The following FRY variants were observed in gnomAD, a reference collection of about 807,000 sequenced individuals.
FRY encodes the protein FRY microtubule binding protein.
A neutral mutation model predicts 348.4 loss-of-function variants in FRY; 128 were observed. The ratio of observed to expected loss-of-function variants is 0.37; its 90% CI spans 0.32 to 0.43. The LOEUF (loss-of-function observed/expected upper bound fraction) is 0.43. FRY is among the 20% of genes least tolerant of loss of function. FRY has a pLI of 1.00. For synonymous variants in FRY, 1,370 were observed against 1,374.7 expected (o/e 1.00, Z 0.08); for missense variants, 2,736 against 3,695.2 (o/e 0.74, Z 6.73).
At chr13:32,085,234 G>A (rs446909) in intron 2 of FRY, among the ~76,000 whole-genome samples, 103,462 of 151,938 alleles carry the variant, frequency 0.68, 35,409 homozygotes, top group Non-Finnish European at 0.69. Flanking sequence ...CTCCAGCAAC[G>A]GGTGACTCTT....
At chr13:32,209,373 TAA>T (rs1437686888) in intron 32 of FRY, among the ~76,000 whole-genome samples, 1 of 152,188 alleles carries the variant, frequency 6.6e-6, no homozygotes, top group Non-Finnish European at 1.5e-5. Context: ...GCCTAATATT[TAA>T]AAAACTCACA....
At chr13:32,268,686 G>GT (rs1349431644) in intron 55 of FRY, among the ~76,000 whole-genome samples, 1 of 150,280 alleles carries the variant, frequency 6.7e-6, no homozygotes, top group Non-Finnish European at 1.5e-5. Context: ...TTTTTTGGGG[G>GT]GGTGGGGAGA....
At chr13:32,291,049 A>G (rs1025361955) in intron 59 of FRY, among the ~76,000 whole-genome samples, 1 of 152,048 alleles carries the variant, frequency 6.6e-6, no homozygotes, top group African/African-American at 2.4e-5. Flanking sequence ...ACGTGAGGTC[A>G]GGGGAGAGAT....
In FRY at chr13:32,237,724, G is replaced by A. The variant is rs373484713; in HGVS notation, c.6156G>A (p.Met2052Ile). ...TATTCTGGGTCACAGTGGCCTTGAT[G>A]GAGTCTGATTTTGAGTTTGAATACT... Reference protein sequence around the residue: ...ATIFWVTVALMESDFEFEYLM... With the variant: ...ATIFWVTVALIESDFEFEYLM... The change falls in exon 44 of 61, where the codon ATG becomes ATA. Residue 2052 changes from methionine to isoleucine, a missense_variant. Met to Ile is a conservative substitution (Grantham distance 10, BLOSUM62 1). Around this residue, in one of 9 missense-constraint regions of FRY, gnomAD observed 789 missense variants for 996.2 expected, o/e 0.79. Coordinates refer to ENST00000542859, the MANE Select transcript of FRY (RefSeq NM_023037.3). The surrounding 1 kb of genome is among the most constrained non-coding windows in gnomAD (Gnocchi z 6.3). The A allele has an allele frequency of 1.2e-6, 2 of 1,614,168 alleles. No homozygotes were observed. The highest frequency in any genetic ancestry group is 1.7e-5 in the Admixed American group (1 of 60,020).
intron 1 of FRY, among the ~76,000 whole-genome samples, chr13:32,073,222 T>C (rs1054760651): frequency 6.6e-6 from 1 of 152,216 alleles, no homozygotes. Context: ...AGTGTGATCA[T>C]TGGGCATTTT....
chr13:32,080,293 C>G (rs887202910), intron 2 of FRY, among the ~76,000 whole-genome samples: 3 of 152,176 alleles, frequency 2.0e-5, no homozygotes, highest in African/African-American at 7.2e-5. Context: ...CCTCTTACTA[C>G]TAATAATAGC....
chr13:32,184,478 T>G (rs1229724167), intron 24 of FRY, 122 bp from the exon 25 acceptor site: 3 of 699,772 alleles, frequency 4.3e-6, no homozygotes, highest in Non-Finnish European at 7.7e-6. Flanking sequence ...AAATGTATGC[T>G]GACTTTTATG....
chr13:32,159,150 A>T (rs1881300139), intron 16 of FRY, among the ~76,000 whole-genome samples: 1 of 152,000 alleles, frequency 6.6e-6, no homozygotes, highest in Admixed American at 6.6e-5. Context: ...TTCCTATTCA[A>T]ACATCTTAAG....
At chr13:32,256,307 C>T (rs1458636022) in intron 51 of FRY, among the ~76,000 whole-genome samples, 2 of 152,000 alleles carry the variant, frequency 1.3e-5, no homozygotes, top group African/African-American at 4.8e-5. Context: ...GCTGAGGCAT[C>T]CTAGAGGATC....
intron 35 of FRY, 76 bp downstream of exon 35, chr13:32,212,458 G>A (rs998919495): frequency 4.4e-6 from 4 of 909,698 alleles, no homozygotes; most frequent in Admixed American, 2.1e-5. Context: ...ATACAGGTTT[G>A]TGGAGTTTCA....
chr13:32,196,265 A>G (rs1883671818), intron 29 of FRY, among the ~76,000 whole-genome samples: 1 of 152,214 alleles, frequency 6.6e-6, no homozygotes, highest in African/African-American at 2.4e-5. Context: ...CTTGTAAGAT[A>G]AATAATGATC....
At chr13:32,148,170 CAG>C (rs1306954034) in intron 13 of FRY, among the ~76,000 whole-genome samples, 1 of 152,184 alleles carries the variant, frequency 6.6e-6, no homozygotes, top group Non-Finnish European at 1.5e-5. Context: ...AATGAAGAAA[CAG>C]AGACAGAGTT....
intron 51 of FRY, among the ~76,000 whole-genome samples, chr13:32,258,375 A>T (rs1183479727): frequency 6.6e-6 from 1 of 152,176 alleles, no homozygotes; most frequent in Non-Finnish European, 1.5e-5. Flanking sequence ...GCATTTTGGG[A>T]GGCTGAGGTG....
intron 58 of FRY, among the ~76,000 whole-genome samples, chr13:32,281,951 C>T (rs1389388456): frequency 6.6e-6 from 1 of 152,178 alleles, no homozygotes; most frequent in Non-Finnish European, 1.5e-5. Context: ...TGGCTAGGCA[C>T]CATGCAGAGT....
rs947120776 is a variant in FRY, at chr13:32,291,492, G to A, written c.8580+1749G>A. 1.6e-4 allele frequency among the ~76,000 whole-genome samples: 24 copies of A among 149,264 alleles called. No homozygotes were observed. The East Asian group carries it at 2.8e-3, about 17-fold the overall frequency. The stretch of plus-strand genomic sequence containing the variant: ...ACAATCTCAGCTTACCGCAACCTCC[G>A]CCTCCCAGGTTCAAGCGATTCTCCT... On this transcript the variant is annotated intron_variant, in intron 59 of 60. Transcript: ENST00000542859.
chr13:32,254,376 G>A lies in FRY; in HGVS notation c.7398G>A (p.Val2466=). ...TCAGAGACTTCGACTTCCTAGATGT[G>A]GAGCTGGAGGATGGAGAGGTACGGT... ...RVFRDFDFLD[V]ELEDGEGESM... Residue 2466 remains valine, a synonymous_variant, in exon 51 of 61, where the codon GTG becomes GTA. Coordinates refer to ENST00000542859, the MANE Select transcript of FRY (RefSeq NM_023037.3). 1.2e-6 allele frequency: 2 copies of A among 1,614,026 alleles called. No individual in the cohort carries two copies.
chr13:32,237,484 T>G lies in FRY; in HGVS notation c.5916T>G (p.Thr1972=), dbSNP rs756705629. 2.5e-6 allele frequency: 4 copies of G among 1,614,112 alleles called. No homozygotes were observed. The South Asian group carries it at 4.4e-5, about 18-fold the overall frequency. Residue 1972 remains threonine, a synonymous_variant, in exon 44 of 61, where the codon ACT becomes ACG. Coordinates refer to ENST00000542859, the MANE Select transcript of FRY (RefSeq NM_023037.3). The surrounding 1 kb of genome is among the most constrained non-coding windows in gnomAD (Gnocchi z 6.3). ...NPGTTSGNTA[T]AERSRHQRSF... ...GAACCACCAGCGGCAACACCGCAAC[T>G]GCCGAACGGAGCCGGCATCAACGAA... is the stretch of plus-strand genomic sequence containing the variant.
At chr13:32,285,729 A>C (rs1384274271) in intron 58 of FRY, among the ~76,000 whole-genome samples, 3 of 152,204 alleles carry the variant, frequency 2.0e-5, no homozygotes, top group African/African-American at 7.2e-5. Flanking sequence ...ATAGTAGCAA[A>C]TGTTTACTTC....
chr13:32,164,465 C>T (rs1271623285), intron 17 of FRY, among the ~76,000 whole-genome samples: 1 of 152,170 alleles, frequency 6.6e-6, no homozygotes, highest in Non-Finnish European at 1.5e-5. Context: ...GCCCTTCCTG[C>T]ACTTTGAGTA....
Sources: gnomAD v4.1 joint callset for allele counts (sites outside exome capture counted in the v4.1 genomes callset) on GRCh38, gnomAD v4.1.1 for gene constraint, gnomAD v4.1.1 regional missense constraint, Gnocchi (gnomAD v3.1) non-coding constraint, MANE v1.5 for transcripts, NCBI Gene and HGNC (gene_info 2026-07-23, HGNC 2026-07-21) for gene names.